Variants in COMMD1 observed in about 807,000 individuals in gnomAD.
The protein encoded by COMMD1 is COMM domain-containing protein 1.
A neutral mutation model predicts 17.2 loss-of-function variants in COMMD1; 10 were observed. The observed-to-expected ratio is 0.58, with a 90% CI of 0.36 to 0.99. COMMD1 has a LOEUF of 0.99. Ranked by LOEUF, COMMD1 falls within the 50% of genes least tolerant of loss-of-function variation. The probability of loss-of-function intolerance (pLI) is 0.01; values close to 1 mark genes in which losing one functional copy is unlikely to be tolerated. For missense variants in COMMD1, 270 were observed against 231.8 expected (o/e 1.17, Z -1.07); for synonymous variants, 97 against 91.6 (o/e 1.06, Z -0.34).
intron 2 of COMMD1, among the ~76,000 whole-genome samples, chr2:62,051,228 C>T (rs905874185): frequency 6.6e-6 from 1 of 152,052 alleles, no homozygotes; most frequent in Admixed American, 6.5e-5. Flanking sequence ...TCTAGACTGA[C>T]AAGAAATTAA....
At chr2:62,023,933 T>C (rs940898352) in intron 2 of COMMD1, among the ~76,000 whole-genome samples, 1 of 152,206 alleles carries the variant, frequency 6.6e-6, no homozygotes, top group African/African-American at 2.4e-5. Context: ...ATCAGTGTTG[T>C]TACAGACCAA....
At chr2:61,956,337 A>G (rs1388502352) in intron 1 of COMMD1, among the ~76,000 whole-genome samples, 7 of 152,228 alleles carry the variant, frequency 4.6e-5, no homozygotes, top group Non-Finnish European at 1.5e-5. Context: ...ACTTGGTTAT[A>G]ATATCACATA....
intron 1 of COMMD1, among the ~76,000 whole-genome samples, chr2:61,988,632 G>C (rs1284071645): frequency 6.6e-6 from 1 of 152,158 alleles, no homozygotes; most frequent in Non-Finnish European, 1.5e-5. Context: ...GGTTGGTGGA[G>C]GGGTGATGCA....
At position 61,983,700 on chromosome 2, in the gene COMMD1, T is replaced by A. The variant is rs777642245; in HGVS notation, c.181-17001T>A. Reference sequence around the variant, plus strand: ...TCAGTTGTAATGTTTTCTTTTTTTATCTCTAATTTTATTTATTTGAATCTT... The same window carrying A: ...TCAGTTGTAATGTTTTCTTTTTTTAACTCTAATTTTATTTATTTGAATCTT... On this transcript the variant is annotated intron_variant, in intron 1 of 2. Coordinates refer to ENST00000311832, the MANE Select transcript of COMMD1 (RefSeq NM_152516.4). Among the ~76,000 whole-genome samples the A allele has an allele frequency of 2.6e-5, 4 of 152,264 alleles. No individual in the cohort carries two copies. In the East Asian group the frequency reaches 5.8e-4, roughly 22 times the overall value.
rs141949749 is a variant in COMMD1, at chr2:61,987,025, GCTT to G, written c.181-13669_181-13667del. 7.4e-3 allele frequency among the ~76,000 whole-genome samples: 1,125 copies of G among 152,084 alleles called. 7 individuals are homozygous for G. Among genetic ancestry groups the G allele is most frequent in the South Asian group, 0.019 (93 of 4,810 alleles). ...TTTTTCAGCTCCAGAATTTCCTTTT[GCTT>G]CTTCTTAATTATTTCCATTTTGTTG... On this transcript the variant is annotated intron_variant, in intron 1 of 2. Coordinates refer to ENST00000311832, the MANE Select transcript of COMMD1 (RefSeq NM_152516.4).
intron 2 of COMMD1, among the ~76,000 whole-genome samples, chr2:62,035,807 T>C (rs893832593): frequency 6.7e-6 from 1 of 149,908 alleles, no homozygotes; most frequent in African/African-American, 2.5e-5. Context: ...TTCCAGCACT[T>C]TGGGGGGCTG....
In COMMD1 at chr2:61,905,694, C is replaced by T. The variant is rs1255072644; in HGVS notation, c.16C>T (p.Leu6Phe). The T allele has an allele frequency of 1.2e-5, 19 of 1,573,892 alleles. No individual in the cohort carries two copies. Among genetic ancestry groups the T allele is most frequent in the Non-Finnish European group, 1.6e-5 (18 of 1,158,146 alleles). MAAGE[L>F]EGGKPLSGLL... ...TTCGCAGAGCATGGCGGCGGGCGAG[C>T]TTGAGGGTGGCAAACCCCTGAGCGG... is the stretch of plus-strand genomic sequence containing the variant. Residue 6 changes from leucine (L) to phenylalanine (F), a missense_variant, in exon 1 of 3, where the codon CTT (leucine) becomes TTT (phenylalanine). Transcript: ENST00000311832.
intron 2 of COMMD1, among the ~76,000 whole-genome samples, chr2:62,064,535 T>C (rs188671077): frequency 2.2e-4 from 33 of 152,314 alleles, no homozygotes; most frequent in African/African-American, 7.0e-4. Flanking sequence ...GTGATCTCTT[T>C]GTTATCTTCT....
intron 1 of COMMD1, among the ~76,000 whole-genome samples, chr2:61,962,187 A>ATTT (rs1671359197): frequency 6.6e-6 from 1 of 152,044 alleles, no homozygotes; most frequent in African/African-American, 2.4e-5. Context: ...TGTTAAGTTT[A>ATTT]TTTTCCTGGT....
intron 2 of COMMD1, among the ~76,000 whole-genome samples, chr2:62,016,665 G>T (rs1669458969): frequency 6.6e-6 from 1 of 151,844 alleles, no homozygotes; most frequent in East Asian, 1.9e-4. Context: ...TCCCGGTCTG[G>T]GTTTTCACTC....
intron 2 of COMMD1, among the ~76,000 whole-genome samples, chr2:62,062,845 G>A (rs1670904641): frequency 6.6e-6 from 1 of 152,014 alleles, no homozygotes; most frequent in Admixed American, 6.5e-5. Context: ...CAAGGCAGGA[G>A]GACTGCTTGA....
At chr2:61,951,622 T>C (rs1671056020) in intron 1 of COMMD1, among the ~76,000 whole-genome samples, 1 of 152,232 alleles carries the variant, frequency 6.6e-6, no homozygotes, top group Non-Finnish European at 1.5e-5. Flanking sequence ...TTAACAGCTT[T>C]ATTGCTGTAT....
At position 61,926,944 on chromosome 2, in the gene COMMD1, C is replaced by G. The variant is rs540512235; in HGVS notation, c.180+21086C>G. 3.3e-5 allele frequency among the ~76,000 whole-genome samples: 5 copies of G among 152,250 alleles called. No individual in the cohort carries two copies. The East Asian group carries it at 9.6e-4, about 29-fold the overall frequency. On this transcript the variant is annotated intron_variant, in intron 1 of 2. Coordinates refer to ENST00000311832, the MANE Select transcript of COMMD1 (RefSeq NM_152516.4). ...TAAATAAACCTCTAATCTATTGAGA[C>G]GTGCCTCAGTCACTTTTGGCTTAAC... is the stretch of plus-strand genomic sequence containing the variant.
intron 1 of COMMD1, among the ~76,000 whole-genome samples, chr2:61,935,079 C>G (rs1470123815): frequency 1.3e-5 from 2 of 152,166 alleles, no homozygotes; most frequent in Non-Finnish European, 2.9e-5. Context: ...TAGTTTATAT[C>G]AAGTCATCCA....
chr2:62,015,875 C>CA (rs1312875177), intron 2 of COMMD1, among the ~76,000 whole-genome samples: 1 of 152,024 alleles, frequency 6.6e-6, no homozygotes, highest in Non-Finnish European at 1.5e-5. Context: ...CTCCATCTCC[C>CA]AGGCCGGAGT....
At chr2:62,074,976 G>A in intron 2 of COMMD1, among the ~76,000 whole-genome samples, 1 of 142,290 alleles carries the variant, frequency 7.0e-6, no homozygotes, top group Non-Finnish European at 1.5e-5. Flanking sequence ...TTCAACTACT[G>A]CCTCCCGGGT....
At chr2:62,052,723 A>G (rs1670571670) in intron 2 of COMMD1, among the ~76,000 whole-genome samples, 2 of 152,148 alleles carry the variant, frequency 1.3e-5, no homozygotes, top group South Asian at 4.1e-4. Context: ...GGTCATGTTT[A>G]TGGAAAATTC....
At chr2:61,922,576 A>G (rs1397747339) in intron 1 of COMMD1, among the ~76,000 whole-genome samples, 2 of 152,200 alleles carry the variant, frequency 1.3e-5, no homozygotes, top group Non-Finnish European at 2.9e-5. Context: ...TCGGCCTCTT[A>G]AAGTGCTGGG....
intron 2 of COMMD1, among the ~76,000 whole-genome samples, chr2:62,097,279 G>A (rs767253600): frequency 6.6e-6 from 1 of 152,060 alleles, no homozygotes; most frequent in African/African-American, 2.4e-5. Context: ...TGTCTAAATC[G>A]TCCTGAATGA....
Sources: allele counts gnomAD v4.1 joint callset (sites outside exome capture counted in the v4.1 genomes callset), GRCh38; gene constraint gnomAD v4.1.1; transcripts MANE v1.5; gene names NCBI Gene and HGNC (gene_info 2026-07-23, HGNC 2026-07-21).